The following DSG4 variants were observed in gnomAD, a reference collection of about 807,000 sequenced individuals.
The protein encoded by DSG4 is desmoglein 4.
DSG4 carries 87 observed loss-of-function variants against 93.1 expected under a neutral mutation model. That is an observed-to-expected ratio of 0.93 (90% confidence interval 0.79 to 1.12). The LOEUF is 1.12. Among genes scored for constraint, DSG4 ranks in the 50% most tolerant of loss-of-function variants. The pLI, the probability that DSG4 is intolerant of heterozygous loss-of-function variation, is 0.00. For synonymous variants in DSG4, 432 were observed against 452.9 expected, an observed-to-expected ratio of 0.95 and a Z score of 0.59; for missense variants, 1,373 against 1,285.7, an observed-to-expected ratio of 1.07 and a Z score of -1.04.
chr18:31,383,236 CA>C (rs916255925), intron 1 of DSG4, among the ~76,000 whole-genome samples: 1 of 152,126 alleles, frequency 6.6e-6, no homozygotes, highest in African/African-American at 2.4e-5. Flanking sequence ...GGGATTTGTC[CA>C]AAGCCACACT....
At position 31,376,821 on chromosome 18, in the gene DSG4, C is replaced by T. The variant is rs1313643905; in HGVS notation, c.-91C>T. 1 of 1,428,710 alleles carries T rather than the reference C, an allele frequency of 7.0e-7. No individual in the cohort carries two copies. Among genetic ancestry groups the T allele is most frequent in the East Asian group, 2.3e-5 (1 of 43,456 alleles). The allele number at this position is 1,428,710 out of a possible 1,614,324, so 88.5% of individuals were successfully genotyped here. A position where few individuals can be genotyped will look rare whatever the true frequency, so the allele number is the denominator to read the frequency against. Reference sequence around the variant, plus strand: ...GCCCTCCTAAAAGGGTGTCTCAAAGCATATCTTTCTGTAGAGCAGAATTCG... The same window carrying T: ...GCCCTCCTAAAAGGGTGTCTCAAAGTATATCTTTCTGTAGAGCAGAATTCG... On this transcript the variant is annotated 5_prime_UTR_variant, in exon 1 of 16. Coordinates refer to ENST00000308128, the MANE Select transcript of DSG4 (RefSeq NM_177986.5).
At position 31,391,058 on chromosome 18, in the gene DSG4, T is replaced by G; in HGVS notation, c.685-20T>G. 11 of 1,613,378 alleles carry G rather than the reference T, an allele frequency of 6.8e-6. No individual in the cohort carries two copies. The highest frequency in any genetic ancestry group is 9.3e-6 in the Non-Finnish European group (11 of 1,179,616). On this transcript the variant is annotated intron_variant, in intron 6 of 15. Transcript: ENST00000308128. ...TCAAGACAAAACCTAAGTCTTACGT[T>G]CTTTTTCATCTTGATTAAGCAACAC...
At position 31,388,471 on chromosome 18, in the gene DSG4, G is replaced by A. The variant is rs770937760; in HGVS notation, c.321G>A (p.Gly107=). Residue 107 remains glycine (G), a synonymous_variant, in exon 4 of 16, where the codon GGG becomes GGA. Transcript: ENST00000308128. ...TATTCACCATTAATCCTCGCACTGG[G>A]GAAATTAACATCACTTCAGTGGTAG... ...YGVFTINPRT[G]EINITSVVDR... 3.1e-6 allele frequency: 5 copies of A among 1,613,426 alleles called. No individual in the cohort carries two copies. The highest frequency in any genetic ancestry group is 2.2e-5 in the South Asian group (2 of 91,060).
chr18:31,376,828 T>A lies in DSG4; in HGVS notation c.-84T>A. 6.7e-7 allele frequency: 1 copy of A among 1,492,684 alleles called. No homozygotes were observed. Among genetic ancestry groups the A allele is most frequent in the South Asian group, 1.1e-5 (1 of 88,050 alleles). 92.5% of individuals were successfully genotyped at this position (1,492,684 alleles called of 1,614,324 possible). Reference sequence around the variant, plus strand: ...TAAAAGGGTGTCTCAAAGCATATCTTTCTGTAGAGCAGAATTCGGAACTGA... The same window carrying A: ...TAAAAGGGTGTCTCAAAGCATATCTATCTGTAGAGCAGAATTCGGAACTGA... On this transcript the variant is annotated 5_prime_UTR_variant, in exon 1 of 16. Transcript: ENST00000308128.
At chr18:31,401,940 C>T (rs111540275) in intron 10 of DSG4, among the ~76,000 whole-genome samples, 16 of 152,248 alleles carry the variant, frequency 1.1e-4, no homozygotes, top group African/African-American at 2.9e-4. Flanking sequence ...CATCCTGTGG[C>T]GGGTAAATTT....
Position 31,388,513 on chromosome 18 carries a change from A to T in DSG4, c.363A>T (p.Pro121=). The change falls in exon 4 of 16, where the codon CCA becomes CCT. Residue 121 remains proline, a synonymous_variant. Coordinates refer to ENST00000308128, the MANE Select transcript of DSG4 (RefSeq NM_177986.5). ...ITSVVDREIT[P]LFLIYCRALN... ...CAGTGGTAGACAGAGAAATAACTCC[A>T]CTTTTCTTGGTAAGTCATAGCCATA... 6.2e-7 allele frequency: 1 copy of T among 1,613,320 alleles called. No homozygotes were observed.
intron 15 of DSG4, 80 bp downstream of exon 15, chr18:31,411,528 C>T (rs1350493245): frequency 2.7e-6 from 4 of 1,497,128 alleles, no homozygotes; most frequent in Non-Finnish European, 3.7e-6. Flanking sequence ...TGGTAGTAGG[C>T]CTCTTCGGAA....
In DSG4 at chr18:31,392,201, G is replaced by A. The variant is rs758840509; in HGVS notation, c.866G>A (p.Arg289Gln). 24 of 1,613,594 alleles carry A rather than the reference G, an allele frequency of 1.5e-5. No homozygotes were observed. Among genetic ancestry groups the A allele is most frequent in the African/African-American group, 5.3e-5 (4 of 74,884 alleles). Residue 289 changes from arginine to glutamine, a missense_variant, in exon 8 of 16, where the codon CGA (arginine) becomes CAA (glutamine). Arg to Gln is a conservative substitution (Grantham distance 43). Coordinates refer to ENST00000308128, the MANE Select transcript of DSG4 (RefSeq NM_177986.5). ...EENCLSSELI[R>Q]LQAIDLDEEG... is the part of the protein sequence containing the mutation. ...AATTGTTTAAGTTCGGAACTGATAC[G>A]ATTACAAGCAATTGATCTTGATGAA...
chr18:31,386,439 C>A (rs1237707339), intron 2 of DSG4, among the ~76,000 whole-genome samples: 6 of 152,052 alleles, frequency 3.9e-5, no homozygotes, highest in Non-Finnish European at 8.8e-5. Flanking sequence ...TCATGAGCTC[C>A]TCAAGTAGCT....
chr18:31,384,847 T>C (rs2072171094), intron 1 of DSG4, among the ~76,000 whole-genome samples: 1 of 152,176 alleles, frequency 6.6e-6, no homozygotes, highest in African/African-American at 2.4e-5. Flanking sequence ...TCCTAGGAAG[T>C]CCTCTTGAAA....
At position 31,388,840 on chromosome 18, in the gene DSG4, T is replaced by C. The variant is rs149265994; in HGVS notation, c.373-34T>C. 5,592 of 1,613,230 alleles carry C rather than the reference T, an allele frequency of 3.5e-3. 11 individuals are homozygous for C. Among genetic ancestry groups the C allele is most frequent in the Non-Finnish European group, 4.3e-3 (5,106 of 1,179,376 alleles). On this transcript the variant is annotated intron_variant, in intron 4 of 15. Transcript: ENST00000308128. ...AAGCATGTTACTAAAATTCCTTTGGTGGAAAAAGATGGCTTTTTTCCAATT... is the reference window on the plus strand; with the variant it reads ...AAGCATGTTACTAAAATTCCTTTGGCGGAAAAAGATGGCTTTTTTCCAATT...
At chr18:31,397,930 G>C (rs1382807972) in intron 8 of DSG4, among the ~76,000 whole-genome samples, 1 of 150,906 alleles carries the variant, frequency 6.6e-6, no homozygotes, top group Non-Finnish European at 1.5e-5. Context: ...GGGAGGCTGA[G>C]GCAGGAGAAT....
chr18:31,376,980 T>A, intron 1 of DSG4, 21 bp downstream of exon 1: 2 of 1,612,110 alleles, frequency 1.2e-6, no homozygotes, highest in Non-Finnish European at 1.7e-6. Context: ...TTTAAAGAGG[T>A]GGGAAGGAAA....
intron 1 of DSG4, among the ~76,000 whole-genome samples, chr18:31,380,589 C>A (rs1337668594): frequency 6.6e-6 from 1 of 152,162 alleles, no homozygotes; most frequent in Non-Finnish European, 1.5e-5. Flanking sequence ...TATTGATACA[C>A]CTTCCATTAT....
intron 1 of DSG4, among the ~76,000 whole-genome samples, chr18:31,383,341 A>G (rs2072155671): frequency 6.6e-6 from 1 of 152,188 alleles, no homozygotes; most frequent in Non-Finnish European, 1.5e-5. Context: ...CATATCCACT[A>G]TGGACTGTAA....
At chr18:31,377,448 T>C (rs1036017713) in intron 1 of DSG4, among the ~76,000 whole-genome samples, 8 of 152,156 alleles carry the variant, frequency 5.3e-5, no homozygotes, top group African/African-American at 1.9e-4. Context: ...ACTAAAGTCA[T>C]GAGAACTTTT....
chr18:31,386,953 G>C (rs1196475642), intron 3 of DSG4, 134 bp downstream of exon 3: 4 of 1,421,788 alleles, frequency 2.8e-6, no homozygotes, highest in Non-Finnish European at 3.9e-6. Flanking sequence ...TCCAGTTGCT[G>C]AGCCACTGAT....
rs144855469 is a variant in DSG4 at position 31,405,577 on chromosome 18, A to G, written c.1637-500A>G. On this transcript the variant is annotated intron_variant, in intron 11 of 15. Transcript: ENST00000308128. ...AAATTAGTTATAAATGTTAAAAAAA[A>G]AAAGAAAGAAAGAAAAGTAAAAAAG... Among the ~76,000 whole-genome samples, 19 of 152,146 alleles carry G rather than the reference A, an allele frequency of 1.2e-4. No individual in the cohort carries two copies. In the East Asian group the frequency reaches 1.3e-3, roughly 11 times the overall value.
chr18:31,408,151 G>C (rs555821466), intron 12 of DSG4, among the ~76,000 whole-genome samples: 7 of 152,310 alleles, frequency 4.6e-5, no homozygotes, highest in African/African-American at 1.7e-4. Context: ...CAGTGTGATG[G>C]TAGTGGGAGG....
Sources: allele counts gnomAD v4.1 joint callset (sites outside exome capture counted in the v4.1 genomes callset), GRCh38; gene constraint gnomAD v4.1.1; transcripts MANE v1.5; gene names NCBI Gene and HGNC (gene_info 2026-07-23, HGNC 2026-07-21).